The following SYNE1 variants were observed in gnomAD, a reference collection of about 807,000 sequenced individuals.
SYNE1 encodes the protein nesprin-1.
A neutral mutation model predicts 1,111.0 loss-of-function variants in SYNE1; 616 were observed. The ratio of observed to expected loss-of-function variants is 0.55; its 90% CI spans 0.52 to 0.59. The LOEUF is 0.59. SYNE1 is among the 20% of genes least tolerant of loss of function. The probability of loss-of-function intolerance (pLI) is 0.00; values close to 1 mark genes in which losing one functional copy is unlikely to be tolerated. For synonymous variants in SYNE1, 3,855 were observed against 3,825.8 expected, an observed-to-expected ratio of 1.01 and a Z score of -0.28; for missense variants, 10,006 against 10,417.0, an observed-to-expected ratio of 0.96 and a Z score of 1.72.
intron 38 of SYNE1, 128 bp from the exon 39 acceptor site, chr6:152,425,675 AGAG>A: frequency 9.2e-7 from 1 of 1,091,012 alleles, no homozygotes; most frequent in Non-Finnish European, 1.4e-6. Context: ...GACAGGCTGA[AGAG>A]AGTTTTTATT....
rs1295269001 is a variant in SYNE1, at chr6:152,148,855, G to A, written c.24643-477C>T. Among the ~76,000 whole-genome samples, 1 of 152,014 alleles carries A rather than the reference G, an allele frequency of 6.6e-6. No individual in the cohort carries two copies. Among genetic ancestry groups the A allele is most frequent in the Non-Finnish European group, 1.5e-5 (1 of 68,000 alleles). ...GCCCACCACACAACACCTACACACT[G>A]GCAAGGATCGGAAATAAGAGCAAAT... On this transcript the variant is annotated intron_variant, in intron 136 of 145. Coordinates refer to ENST00000367255, the MANE Select transcript of SYNE1 (RefSeq NM_182961.4). This position sits in a 1 kb window ranked among gnomAD's most constrained non-coding sequence, Gnocchi z 4.1.
In SYNE1 at chr6:152,507,112, A is replaced by G. The variant is rs9397107; in HGVS notation, c.582-1715T>C. Among the ~76,000 whole-genome samples the G allele has an allele frequency of 9.8e-5, 15 of 152,300 alleles. No individual in the cohort carries two copies. In the East Asian group the frequency reaches 2.3e-3, roughly 23 times the overall value. On this transcript the variant is annotated intron_variant, in intron 8 of 145. Coordinates refer to ENST00000367255, the MANE Select transcript of SYNE1 (RefSeq NM_182961.4). ...TATAATTTTTTTCAGCAGACAGCTGACAGTCATGCAGGTTGAACAGTATGT... is the reference window on the plus strand; with the variant it reads ...TATAATTTTTTTCAGCAGACAGCTGGCAGTCATGCAGGTTGAACAGTATGT...
chr6:152,133,311 G>A lies in SYNE1; in HGVS notation c.25966C>T (p.Leu8656=). The A allele has an allele frequency of 6.2e-7, 1 of 1,614,158 alleles. No individual in the cohort carries two copies. The highest frequency in any genetic ancestry group is 8.5e-7 in the Non-Finnish European group (1 of 1,180,026). The change falls in exon 143 of 146, where the codon CTG becomes TTG. Residue 8656 remains leucine, a synonymous_variant. Transcript: ENST00000367255. ...LKEVSRHIKE[L]EKLLDVSSSQ... ...CTTGACACGTCTAATAACTTCTCCA[G>A]TTCCTTGATATGACGACTGACCTCC...
At chr6:152,301,219 G>T (rs1303390265) in intron 92 of SYNE1, among the ~76,000 whole-genome samples, 1 of 152,092 alleles carries the variant, frequency 6.6e-6, no homozygotes, top group Non-Finnish European at 1.5e-5. Context: ...GCTCAGGTAT[G>T]GTTACTCATT....
At chr6:152,317,117 T>A in intron 86 of SYNE1, 131 bp from the exon 87 acceptor site, 1 of 1,035,720 alleles carries the variant, frequency 9.7e-7, no homozygotes, top group Non-Finnish European at 1.4e-6. Context: ...TATTCAATGG[T>A]ATCAAAAGAT....
rs776002584 is a variant in SYNE1, at chr6:152,132,231, T to C, written c.26002-17A>G. ...AGACAAATCCTATGTGGGAGAAAGA[T>C]TCTTTTAACAACTCCATGTCCCAGA... On this transcript the variant is annotated splice_polypyrimidine_tract_variant and intron_variant, in intron 143 of 145. Transcript: ENST00000367255. 34 of 1,612,148 alleles carry C rather than the reference T, an allele frequency of 2.1e-5. No homozygotes were observed. The highest frequency in any genetic ancestry group is 1.7e-4 in the Middle Eastern group (1 of 6,060).
intron 97 of SYNE1, among the ~76,000 whole-genome samples, chr6:152,279,683 C>CT (rs1198906237): frequency 6.2e-5 from 9 of 144,038 alleles, no homozygotes; most frequent in African/African-American, 2.3e-4. Context: ...CACCACTGCT[C>CT]TCCAGCCTGG....
chr6:152,450,665 G>A lies in SYNE1; in HGVS notation c.3355C>T (p.Leu1119Phe). 2 of 1,614,180 alleles carry A rather than the reference G, an allele frequency of 1.2e-6. No individual in the cohort carries two copies. The highest frequency in any genetic ancestry group is 1.7e-6 in the Non-Finnish European group (2 of 1,180,040). ...RAAIDSTYRK[L>F]MEDPDKWKDY... Reference sequence around the variant, plus strand: ...TTCCACTTGTCTGGGTCTTCCATGAGCTTCCTGTAGGTGCTGTCAATGGCA... The same window carrying A: ...TTCCACTTGTCTGGGTCTTCCATGAACTTCCTGTAGGTGCTGTCAATGGCA... The change falls in exon 27 of 146, where the codon CTC becomes TTC. Residue 1119 changes from leucine (L) to phenylalanine (F), a missense_variant. Around this residue, in one of 7 missense-constraint regions of SYNE1, gnomAD observed 1,971 missense variants for 2,084.1 expected, o/e 0.95. Transcript: ENST00000367255.
intron 87 of SYNE1, chr6:152,315,648 C>T (rs993245428): frequency 6.6e-6 from 1 of 152,172 alleles, no homozygotes; most frequent in Non-Finnish European, 1.5e-5. Context: ...TTAAGTTTGT[C>T]TTTCTTCCTC....
chr6:152,316,598 CT>C (rs2153891347), intron 87 of SYNE1: 1 of 504,648 alleles, frequency 2.0e-6, no homozygotes, highest in Non-Finnish European at 3.6e-6. Flanking sequence ...TTCTACAAGG[CT>C]GATTGGTTTG....
chr6:152,244,460 G>C (rs2086578427), intron 106 of SYNE1, 77 bp downstream of exon 106: 1 of 1,608,616 alleles, frequency 6.2e-7, no homozygotes, highest in African/African-American at 1.3e-5. Flanking sequence ...AGAAAGCCAA[G>C]AAAAATAAAG....
intron 102 of SYNE1, among the ~76,000 whole-genome samples, chr6:152,255,960 G>A (rs1027094875): frequency 3.9e-5 from 6 of 152,200 alleles, no homozygotes; most frequent in African/African-American, 1.2e-4. Context: ...TTTGCCAGTC[G>A]TGGTGGCATG....
intron 130 of SYNE1, chr6:152,168,291 G>A: frequency 1.6e-6 from 1 of 615,870 alleles, no homozygotes; most frequent in Admixed American, 2.8e-5. Flanking sequence ...TCTGTGTATA[G>A]AAGTATGAAA....
intron 128 of SYNE1, among the ~76,000 whole-genome samples, chr6:152,188,970 AAAAAAAAAAAAAAAAT>A (rs1226832003): frequency 1.8e-4 from 10 of 55,818 alleles, no homozygotes; most frequent in African/African-American, 8.9e-4. Flanking sequence ...AAAAAAAAAA[AAAAAAAAAAAAAAAAT>A]ATATATATAT....
chr6:152,216,700 A>G (rs1408721119), intron 121 of SYNE1, among the ~76,000 whole-genome samples: 27 of 152,202 alleles, frequency 1.8e-4, no homozygotes, highest in Admixed American at 1.8e-3. Flanking sequence ...AACCAAGGGA[A>G]TAATACAATA....
chr6:152,363,834 G>C (rs1367815306), intron 63 of SYNE1: 2 of 448,682 alleles, frequency 4.5e-6, no homozygotes, highest in Non-Finnish European at 9.0e-6. Context: ...AAATACTCCA[G>C]ATCCCCTGCC....
intron 97 of SYNE1, among the ~76,000 whole-genome samples, chr6:152,280,639 A>G (rs985751782): frequency 6.6e-6 from 1 of 152,222 alleles, no homozygotes. Context: ...TTACAATAAA[A>G]ACAGATATCT....
chr6:152,127,380 G>A (rs768423001), intron 145 of SYNE1: 5 of 152,122 alleles, frequency 3.3e-5, no homozygotes, highest in African/African-American at 4.8e-5. Flanking sequence ...ACAATGCTTA[G>A]CATGTATACA....
In SYNE1 at chr6:152,154,912, C is replaced by G; in HGVS notation, c.24109G>C (p.Glu8037Gln). 6.2e-7 allele frequency: 1 copy of G among 1,614,150 alleles called. No individual in the cohort carries two copies. The highest frequency in any genetic ancestry group is 2.2e-5 in the East Asian group (1 of 44,876). ...SSGVIYTVAK[E>Q]ELKKFEAFQR... is the part of the protein sequence containing the mutation. ...ATTACCTCAAATTTCTTTAGTTCTT[C>G]CTTGGCAACTGTATAGATCACCCCA... is the stretch of plus-strand genomic sequence containing the variant. Residue 8037 changes from glutamate (E) to glutamine (Q), a missense_variant, in exon 133 of 146, where the codon GAA (glutamate) becomes CAA (glutamine). Around this residue, in one of 7 missense-constraint regions of SYNE1, gnomAD observed 2,182 missense variants for 2,287.8 expected, o/e 0.95. Transcript: ENST00000367255.
Sources: gnomAD v4.1 joint callset for allele counts (sites outside exome capture counted in the v4.1 genomes callset) on GRCh38, gnomAD v4.1.1 for gene constraint, gnomAD v4.1.1 regional missense constraint, Gnocchi (gnomAD v3.1) non-coding constraint, MANE v1.5 for transcripts, NCBI Gene and HGNC (gene_info 2026-07-23, HGNC 2026-07-21) for gene names.